Variants in REEP3 observed in about 807,000 individuals in gnomAD.
The protein encoded by REEP3 is receptor accessory protein 3.
In REEP3, 20 loss-of-function variants were observed where a neutral mutation model predicts 41.3. The ratio of observed to expected loss-of-function variants is 0.48; its 90% CI spans 0.34 to 0.70. REEP3 has a LOEUF of 0.70. Ranked by LOEUF, REEP3 falls within the 30% of genes least tolerant of loss-of-function variation. The pLI is 0.01. For missense variants in REEP3, 271 were observed against 308.8 expected (o/e 0.88, Z 0.92); for synonymous variants, 104 against 101.8 (o/e 1.02, Z -0.13).
intron 1 of REEP3, among the ~76,000 whole-genome samples, chr10:63,544,250 T>G (rs917184281): frequency 6.6e-6 from 1 of 152,158 alleles, no homozygotes; most frequent in Non-Finnish European, 1.5e-5. Context: ...ATCAATTTGG[T>G]CTAACCTGCA....
At chr10:63,546,694 G>A (rs1201459603) in intron 1 of REEP3, among the ~76,000 whole-genome samples, 3 of 152,178 alleles carry the variant, frequency 2.0e-5, no homozygotes, top group Non-Finnish European at 4.4e-5. Context: ...ACAGAGTCTA[G>A]AAAGTGACCC....
chr10:63,588,803 G>A (rs760122700), intron 2 of REEP3, among the ~76,000 whole-genome samples: 3 of 152,172 alleles, frequency 2.0e-5, no homozygotes, highest in Non-Finnish European at 4.4e-5. Flanking sequence ...TTTTAAAGAG[G>A]GTAGTCAGGA....
chr10:63,556,162 C>T (rs140833715), intron 1 of REEP3, among the ~76,000 whole-genome samples: 5 of 152,250 alleles, frequency 3.3e-5, no homozygotes, highest in Admixed American at 3.3e-4. Context: ...GAGACAGAGT[C>T]GCTCTGTCAC....
chr10:63,583,651 T>G (rs543304170), intron 2 of REEP3, among the ~76,000 whole-genome samples: 84 of 152,284 alleles, frequency 5.5e-4, no homozygotes, highest in Non-Finnish European at 9.1e-4. Context: ...GGATGACAGT[T>G]TGGTATGGGA....
intron 3 of REEP3, among the ~76,000 whole-genome samples, chr10:63,595,957 G>C (rs1956110638): frequency 6.6e-6 from 1 of 152,182 alleles, no homozygotes; most frequent in African/African-American, 2.4e-5. Flanking sequence ...ATAGGTATCA[G>C]CTTGAACCTC....
intron 2 of REEP3, among the ~76,000 whole-genome samples, chr10:63,570,798 G>T (rs1955845040): frequency 6.6e-6 from 1 of 152,176 alleles, no homozygotes; most frequent in Admixed American, 6.5e-5. Context: ...GACCCTCCCA[G>T]CAACCATATT....
In REEP3 at chr10:63,623,805, C is replaced by T. The variant is rs111631381; in HGVS notation, c.*2936C>T. On this transcript the variant is annotated 3_prime_UTR_variant, in exon 8 of 8. Coordinates refer to ENST00000373758, the MANE Select transcript of REEP3 (RefSeq NM_001001330.3). ...TGTGTGTGTGTGTGTGTGTATTTGG[C>T]TAAAAAATTATACTGCCAAAATTAC... 625 of 126,928 alleles carry T rather than the reference C, an allele frequency of 4.9e-3. 5 individuals are homozygous for T. The highest frequency in any genetic ancestry group is 0.016 in the African/African-American group (575 of 35,078). The allele number at this position is 126,928 out of a possible 1,614,324, so 7.9% of individuals were successfully genotyped here.
chr10:63,608,157 G>A (rs765618858), intron 5 of REEP3, among the ~76,000 whole-genome samples: 3 of 152,180 alleles, frequency 2.0e-5, no homozygotes, highest in African/African-American at 2.4e-5. Context: ...TCACTTCCTC[G>A]TAGTATGTCT....
chr10:63,547,326 T>G (rs927090607), intron 1 of REEP3, among the ~76,000 whole-genome samples: 3 of 152,090 alleles, frequency 2.0e-5, no homozygotes, highest in Non-Finnish European at 2.9e-5. Flanking sequence ...AACACTAAAA[T>G]TAAGCACTTC....
intron 2 of REEP3, among the ~76,000 whole-genome samples, chr10:63,584,449 A>AAT (rs1160087771): frequency 1.3e-5 from 2 of 151,300 alleles, no homozygotes; most frequent in East Asian, 1.9e-4. Context: ...AAAAAAAAAA[A>AAT]ACTATTTTCA....
At chr10:63,567,733 T>C (rs1333281071) in intron 2 of REEP3, among the ~76,000 whole-genome samples, 1 of 152,194 alleles carries the variant, frequency 6.6e-6, no homozygotes, top group Non-Finnish European at 1.5e-5. Context: ...TCTTGGATGA[T>C]AGTCTTGTCA....
chr10:63,572,526 G>A (rs942182283), intron 2 of REEP3, among the ~76,000 whole-genome samples: 7 of 151,886 alleles, frequency 4.6e-5, no homozygotes, highest in Non-Finnish European at 5.9e-5. Context: ...CTGTGTCCAC[G>A]TGTTCTCATT....
In REEP3 at chr10:63,598,247, A is replaced by G. The variant is rs1180630346; in HGVS notation, c.303+103A>G. The stretch of plus-strand genomic sequence containing the variant: ...GTAATCCCAGCACTTTGGGAGGCTG[A>G]GGTGGGTGGATCACTGGAGGCCAGG... On this transcript the variant is annotated intron_variant, in intron 4 of 7. Coordinates refer to ENST00000373758, the MANE Select transcript of REEP3 (RefSeq NM_001001330.3). 3 of 713,476 alleles carry G rather than the reference A, an allele frequency of 4.2e-6. No homozygotes were observed. In the Admixed American group the frequency reaches 8.5e-5, roughly 20 times the overall value. The allele number at this position is 713,476 out of a possible 1,614,324, so 44.2% of individuals were successfully genotyped here.
At chr10:63,604,768 A>C (rs947771056) in intron 5 of REEP3, among the ~76,000 whole-genome samples, 2 of 152,204 alleles carry the variant, frequency 1.3e-5, no homozygotes, top group African/African-American at 4.8e-5. Context: ...CAATTGAGTT[A>C]ATCTGGATTT....
chr10:63,594,283 G>A (rs187808006), intron 2 of REEP3, among the ~76,000 whole-genome samples: 202 of 152,064 alleles, frequency 1.3e-3, no homozygotes, highest in Non-Finnish European at 2.4e-3. Context: ...AGCTACTCGG[G>A]CAGCTGAGGC....
chr10:63,621,981 G>T lies in REEP3; in HGVS notation c.*1112G>T, dbSNP rs528514166. ...CAGTTGTCATTAATCCTGCACATTA[G>T]AAATTATTAGAAACATATTACTTTT... is the stretch of plus-strand genomic sequence containing the variant. On this transcript the variant is annotated 3_prime_UTR_variant, in exon 8 of 8. Coordinates refer to ENST00000373758, the MANE Select transcript of REEP3 (RefSeq NM_001001330.3). 331 of 152,302 alleles carry T rather than the reference G, an allele frequency of 2.2e-3. 1 individual carries two copies. Among genetic ancestry groups the T allele is most frequent in the African/African-American group, 7.7e-3 (320 of 41,572 alleles). The allele number at this position is 152,302 out of a possible 1,614,324, so 9.4% of individuals were successfully genotyped here. A position where few individuals can be genotyped will look rare whatever the true frequency, so the allele number is the denominator to read the frequency against.
At chr10:63,542,554 T>C (rs893297319) in intron 1 of REEP3, among the ~76,000 whole-genome samples, 12 of 152,230 alleles carry the variant, frequency 7.9e-5, no homozygotes, top group Non-Finnish European at 1.8e-4. Flanking sequence ...ATATTATCTA[T>C]ATAAATTTTG....
intron 2 of REEP3, among the ~76,000 whole-genome samples, chr10:63,573,021 C>G (rs1421924802): frequency 6.6e-6 from 1 of 152,176 alleles, no homozygotes; most frequent in Admixed American, 6.5e-5. Flanking sequence ...TGGTTATGAC[C>G]TAAATTTCAC....
At chr10:63,587,553 A>G (rs1179362491) in intron 2 of REEP3, among the ~76,000 whole-genome samples, 5 of 152,238 alleles carry the variant, frequency 3.3e-5, no homozygotes, top group African/African-American at 1.2e-4. Flanking sequence ...GAAGAACTAT[A>G]GAAATCTATT....
Sources: allele counts gnomAD v4.1 joint callset (sites outside exome capture counted in the v4.1 genomes callset), GRCh38; gene constraint gnomAD v4.1.1; transcripts MANE v1.5; gene names NCBI Gene and HGNC (gene_info 2026-07-23, HGNC 2026-07-21).